Variants in ALG9 observed in about 807,000 individuals in gnomAD.
ALG9 encodes the protein ALG9 alpha-1,2-mannosyltransferase, also known as alpha-1,2-mannosyltransferase ALG9.
ALG9 carries 55 observed loss-of-function variants against 81.8 expected under a neutral mutation model. The observed-to-expected ratio is 0.67, with a 90% CI of 0.54 to 0.84. The LOEUF is 0.84. ALG9 is among the 40% of genes least tolerant of loss of function. The pLI is 0.00. For synonymous variants in ALG9, 278 were observed against 274.3 expected (o/e 1.01, Z -0.13); for missense variants, 629 against 745.0 (o/e 0.84, Z 1.81).
rs1338740922 is a variant in ALG9 at position 111,784,896 on chromosome 11, C to G, written c.*1501G>C. ...GCTGCAAAAGAACATGACTTCCAAA[C>G]AGAAGCACTACTTTCCTGCCACAGG... On this transcript the variant is annotated 3_prime_UTR_variant, in exon 15 of 15. Coordinates refer to ENST00000616540, the MANE Select transcript of ALG9 (RefSeq NM_024740.2). 2 of 152,326 alleles carry G rather than the reference C, an allele frequency of 1.3e-5. No homozygotes were observed. The highest frequency in any genetic ancestry group is 1.3e-4 in the Admixed American group (2 of 15,278). 9.4% of individuals were successfully genotyped at this position (152,326 alleles called of 1,614,324 possible). A position where few individuals can be genotyped will look rare whatever the true frequency, so the allele number is the denominator to read the frequency against.
At chr11:111,843,587 A>G (rs1956539628) in intron 9 of ALG9, among the ~76,000 whole-genome samples, 1 of 152,190 alleles carries the variant, frequency 6.6e-6, no homozygotes, top group African/African-American at 2.4e-5. Flanking sequence ...GGGGGAACTG[A>G]TCATATGGCA....
intron 4 of ALG9, among the ~76,000 whole-genome samples, chr11:111,862,135 T>G (rs528584233): frequency 6.6e-5 from 10 of 152,298 alleles, no homozygotes; most frequent in African/African-American, 2.4e-4. Flanking sequence ...TTCTCAGCTA[T>G]TAATACCCCG....
Position 111,857,782 on chromosome 11 carries a change from G to A in ALG9, c.566-45C>T, listed in dbSNP as rs782131696. 40 of 1,610,462 alleles carry A rather than the reference G, an allele frequency of 2.5e-5. No individual in the cohort carries two copies. The Admixed American group carries it at 3.3e-4, about 13-fold the overall frequency. On this transcript the variant is annotated intron_variant, in intron 5 of 14. Coordinates refer to ENST00000616540, the MANE Select transcript of ALG9 (RefSeq NM_024740.2). ...AAAAAAGGCAGGAGGACAAGAGCTC[G>A]AGGTTAATTAGGTATCAATTAAAAA...
At chr11:111,845,118 G>T in intron 8 of ALG9, 1 of 217,022 alleles carries the variant, frequency 4.6e-6, no homozygotes, top group South Asian at 6.5e-5. Context: ...TCAAGATCGC[G>T]CAGACCAAAG....
chr11:111,861,159 A>G (rs1238159804), intron 4 of ALG9, among the ~76,000 whole-genome samples: 4 of 152,246 alleles, frequency 2.6e-5, no homozygotes, highest in Non-Finnish European at 5.9e-5. Flanking sequence ...GAAAATGTGA[A>G]TAAGTGGTTA....
At chr11:111,815,811 T>A (rs1271584166) in intron 13 of ALG9, among the ~76,000 whole-genome samples, 1 of 152,228 alleles carries the variant, frequency 6.6e-6, no homozygotes, top group Admixed American at 6.5e-5. Context: ...ACTATAAAAA[T>A]AGCTGGAATA....
At chr11:111,809,564 A>T in intron 14 of ALG9, 79 bp downstream of exon 14, 1 of 1,554,466 alleles carries the variant, frequency 6.4e-7, no homozygotes, top group Non-Finnish European at 8.9e-7. Flanking sequence ...TCAACCCAGG[A>T]CTGGAAGTTA....
At chr11:111,791,907 C>G (rs1279494602) in intron 14 of ALG9, among the ~76,000 whole-genome samples, 1 of 152,256 alleles carries the variant, frequency 6.6e-6, no homozygotes, top group Non-Finnish European at 1.5e-5. Flanking sequence ...GTCTGGCCAA[C>G]ATGGTGAAAC....
At chr11:111,854,347 C>G (rs782772929) in intron 6 of ALG9, among the ~76,000 whole-genome samples, 1 of 148,908 alleles carries the variant, frequency 6.7e-6, no homozygotes, top group Non-Finnish European at 1.5e-5. Flanking sequence ...CAGCTCACTG[C>G]AACTGCCGCC....
At chr11:111,820,546 T>G (rs1372236842) in intron 13 of ALG9, among the ~76,000 whole-genome samples, 1 of 152,176 alleles carries the variant, frequency 6.6e-6, no homozygotes, top group African/African-American at 2.4e-5. Context: ...ACACCTTCCA[T>G]TAGGTGCCAC....
intron 2 of ALG9, among the ~76,000 whole-genome samples, chr11:111,869,881 G>A (rs782508372): frequency 1.3e-5 from 2 of 151,690 alleles, no homozygotes; most frequent in African/African-American, 4.8e-5. Flanking sequence ...GTGTGATCTC[G>A]GCTCACTGTA....
chr11:111,786,758 G>T (rs1946530260), intron 14 of ALG9, among the ~76,000 whole-genome samples: 1 of 152,076 alleles, frequency 6.6e-6, no homozygotes, highest in South Asian at 2.1e-4. Flanking sequence ...ATATCCTTCA[G>T]AATAGCTCTA....
At chr11:111,798,218 GAGAA>G in intron 14 of ALG9, 1 of 313,008 alleles carries the variant, frequency 3.2e-6, no homozygotes, top group South Asian at 2.6e-5. Flanking sequence ...GAAAAAAATA[GAGAA>G]AAATAAAATC....
Position 111,871,547 on chromosome 11 carries a change from G to A in ALG9, c.-65C>T. The A allele has an allele frequency of 6.5e-7, 1 of 1,533,808 alleles. No homozygotes were observed. The highest frequency in any genetic ancestry group is 8.7e-7 in the Non-Finnish European group (1 of 1,145,630). On this transcript the variant is annotated 5_prime_UTR_variant, in exon 1 of 15. Transcript: ENST00000616540. ...TCGGTGAGCGCGCAGACATAGCTTT[G>A]GCTGGCAAACGGTGTCCGCCGAGGG...
intron 8 of ALG9, among the ~76,000 whole-genome samples, chr11:111,850,569 T>C (rs782447652): frequency 3.3e-5 from 5 of 151,598 alleles, no homozygotes; most frequent in Non-Finnish European, 7.4e-5. Flanking sequence ...TAGCCAGGCA[T>C]GGTGATGGGT....
At position 111,809,360 on chromosome 11, in the gene ALG9, T is replaced by C. The variant is rs569202746; in HGVS notation, c.1733+283A>G. ...GCCTGGCCAACATGGTAAAACCCTG[T>C]CTCTACCAAAAATACAAAAATTAGC... On this transcript the variant is annotated intron_variant, in intron 14 of 14. Coordinates refer to ENST00000616540, the MANE Select transcript of ALG9 (RefSeq NM_024740.2). Among the ~76,000 whole-genome samples the C allele has an allele frequency of 5.9e-4, 90 of 151,710 alleles. 1 individual carries two copies. Among genetic ancestry groups the C allele is most frequent in the Non-Finnish European group, 1.1e-3 (73 of 67,918 alleles).
intron 13 of ALG9, among the ~76,000 whole-genome samples, chr11:111,811,229 A>C (rs1950658951): frequency 6.6e-6 from 1 of 152,188 alleles, no homozygotes; most frequent in African/African-American, 2.4e-5. Context: ...TAAAAGATGA[A>C]AGTGCTCCAT....
intron 13 of ALG9, among the ~76,000 whole-genome samples, chr11:111,833,511 G>C (rs1303680552): frequency 6.6e-6 from 1 of 152,108 alleles, no homozygotes; most frequent in Non-Finnish European, 1.5e-5. Context: ...AAAGAAAATA[G>C]TGAAATAAAA....
chr11:111,853,124 T>G (rs1958094565), intron 8 of ALG9, among the ~76,000 whole-genome samples: 1 of 149,242 alleles, frequency 6.7e-6, no homozygotes, highest in African/African-American at 2.5e-5. Flanking sequence ...CCCAGAGTCC[T>G]CAAAACTCTG....
Sources: gnomAD v4.1 joint callset for allele counts (sites outside exome capture counted in the v4.1 genomes callset) on GRCh38, gnomAD v4.1.1 for gene constraint, MANE v1.5 for transcripts, NCBI Gene and HGNC (gene_info 2026-07-23, HGNC 2026-07-21) for gene names.